Variants in CCSER1 observed in about 807,000 individuals in gnomAD.
CCSER1 encodes the protein serine-rich coiled-coil domain-containing protein 1.
Under a neutral mutation model 82.0 loss-of-function variants are expected in CCSER1, and 41 were observed. That is an observed-to-expected ratio of 0.50 (90% CI 0.39 to 0.65). The LOEUF is 0.65. CCSER1 is among the 30% of genes least tolerant of loss of function. The pLI is 0.00. For synonymous variants in CCSER1, 414 were observed against 383.9 expected, an observed-to-expected ratio of 1.08 and a Z score of -0.92; for missense variants, 1,119 against 1,064.2, an observed-to-expected ratio of 1.05 and a Z score of -0.72.
At chr4:90,887,836 C>T (rs563853741) in intron 8 of CCSER1, among the ~76,000 whole-genome samples, 8 of 152,082 alleles carry the variant, frequency 5.3e-5, no homozygotes, top group East Asian at 1.9e-4. Context: ...GAGCTGAGAT[C>T]GCGCCACTGC....
At chr4:91,055,953 T>G (rs1246193200) in intron 9 of CCSER1, among the ~76,000 whole-genome samples, 2 of 152,222 alleles carry the variant, frequency 1.3e-5, no homozygotes, top group East Asian at 3.9e-4. Context: ...GCATCCTTTC[T>G]TTTAGCTGCT....
At chr4:90,369,705 G>A (rs984954369) in intron 3 of CCSER1, among the ~76,000 whole-genome samples, 3 of 151,992 alleles carry the variant, frequency 2.0e-5, no homozygotes, top group South Asian at 2.1e-4. Flanking sequence ...ACAGATCTTA[G>A]ATAAAAATTG....
chr4:90,228,465 A>T (rs1210377129), intron 1 of CCSER1, among the ~76,000 whole-genome samples: 1 of 152,154 alleles, frequency 6.6e-6, no homozygotes, highest in Non-Finnish European at 1.5e-5. Context: ...CCAAAAACCC[A>T]TCTGTATATC....
At chr4:90,524,057 GA>G (rs1392548834) in intron 5 of CCSER1, among the ~76,000 whole-genome samples, 2 of 151,496 alleles carry the variant, frequency 1.3e-5, no homozygotes, top group Non-Finnish European at 2.9e-5. Flanking sequence ...ATAACCAAGT[GA>G]AAAAAAACAT....
intron 8 of CCSER1, among the ~76,000 whole-genome samples, chr4:90,874,437 T>TA (rs5860208): frequency 1.7e-4 from 25 of 150,512 alleles, no homozygotes; most frequent in South Asian, 4.2e-4. Context: ...TTTTTTCCCA[T>TA]AAAAAAAAAA....
intron 4 of CCSER1, among the ~76,000 whole-genome samples, chr4:90,430,048 C>CAAA (rs1465269493): frequency 6.6e-6 from 1 of 151,736 alleles, no homozygotes; most frequent in Non-Finnish European, 1.5e-5. Context: ...TAAGTCCGCT[C>CAAA]AAAAATCTAA....
At position 91,143,202 on chromosome 4, in the gene CCSER1, G is replaced by T. The variant is rs150724699; in HGVS notation, c.2217+57208G>T. On this transcript the variant is annotated intron_variant, in intron 10 of 10. Coordinates refer to ENST00000509176, the MANE Select transcript of CCSER1 (RefSeq NM_001145065.2). ...CCTTGTAGAGATCTTTCACCTCCTT[G>T]GTTAGATGTGTTTCTAGGTATTTTT... is the stretch of plus-strand genomic sequence containing the variant. 1.3e-4 allele frequency among the ~76,000 whole-genome samples: 20 copies of T among 149,994 alleles called. 1 individual carries two copies. The East Asian group carries it at 3.9e-3, about 29-fold the overall frequency.
chr4:90,783,132 G>A (rs558157181), intron 7 of CCSER1, among the ~76,000 whole-genome samples: 1 of 152,242 alleles, frequency 6.6e-6, no homozygotes, highest in South Asian at 2.1e-4. Context: ...AGTAGAGATG[G>A]GGTTTCACCA....
chr4:90,573,235 C>A (rs1329638624), intron 5 of CCSER1, among the ~76,000 whole-genome samples: 1 of 152,238 alleles, frequency 6.6e-6, no homozygotes, highest in Non-Finnish European at 1.5e-5. Context: ...GCAGCTGCAT[C>A]CAGTGCAATG....
At chr4:91,376,903 C>CCCCCCTT (rs1295254824) in intron 10 of CCSER1, among the ~76,000 whole-genome samples, 1 of 14,112 alleles carries the variant, frequency 7.1e-5, no homozygotes, top group South Asian at 3.1e-3. Flanking sequence ...ACTATCCCTC[C>CCCCCCTT]CCCCACCCAG....
At chr4:90,547,642 A>C (rs537622744) in intron 5 of CCSER1, among the ~76,000 whole-genome samples, 7 of 152,176 alleles carry the variant, frequency 4.6e-5, no homozygotes, top group Non-Finnish European at 8.8e-5. Flanking sequence ...TCGAGAAAGC[A>C]TTCAGAAAAT....
At chr4:91,284,847 T>A (rs1309885748) in intron 10 of CCSER1, among the ~76,000 whole-genome samples, 1 of 152,084 alleles carries the variant, frequency 6.6e-6, no homozygotes, top group African/African-American at 2.4e-5. Context: ...AAAAAACATA[T>A]GAGTTGATGA....
intron 7 of CCSER1, among the ~76,000 whole-genome samples, chr4:90,812,702 G>A (rs1326866102): frequency 1.3e-5 from 2 of 152,162 alleles, no homozygotes; most frequent in East Asian, 1.9e-4. Flanking sequence ...TCACAATTCT[G>A]TGTGGCTGGA....
chr4:90,957,779 C>T (rs1018726625), intron 9 of CCSER1, among the ~76,000 whole-genome samples: 8 of 148,772 alleles, frequency 5.4e-5, no homozygotes, highest in Non-Finnish European at 1.5e-5. Context: ...TGAAATTTCC[C>T]CTGATGGAGA....
Position 90,308,835 on chromosome 4 carries a change from C to A in CCSER1, c.551C>A (p.Ser184Tyr), listed in dbSNP as rs752808705. 1.2e-6 allele frequency: 2 copies of A among 1,613,758 alleles called. No homozygotes were observed. Among genetic ancestry groups the A allele is most frequent in the South Asian group, 1.1e-5 (1 of 91,076 alleles). ...TCAACAAGGAAGCTACTCCCTAAATCTTTTTCATCTCACTATAAATTTTCT... is the reference window on the plus strand; with the variant it reads ...TCAACAAGGAAGCTACTCCCTAAATATTTTTCATCTCACTATAAATTTTCT... ...KQSTRKLLPK[S>Y]FSSHYKFSKP... The change falls in exon 2 of 11, where the codon TCT becomes TAT. Residue 184 changes from serine (S) to tyrosine (Y), a missense_variant. Physicochemically the swap from Ser to Tyr is moderately radical, Grantham distance 144. Transcript: ENST00000509176.
intron 6 of CCSER1, among the ~76,000 whole-genome samples, chr4:90,659,814 T>A (rs7683669): frequency 0.51 from 77,342 of 151,402 alleles, 19,946 homozygotes; most frequent in Middle Eastern, 0.67. Context: ...AGTATTTGCT[T>A]GGGATTCTGA....
At chr4:91,530,415 T>G (rs996107973) in intron 10 of CCSER1, among the ~76,000 whole-genome samples, 8 of 152,120 alleles carry the variant, frequency 5.3e-5, no homozygotes, top group African/African-American at 1.9e-4. Context: ...TTAAAGTCAA[T>G]TCCCATCTGT....
chr4:91,019,153 G>A (rs1202872093), intron 9 of CCSER1, among the ~76,000 whole-genome samples: 2 of 151,462 alleles, frequency 1.3e-5, no homozygotes, highest in Non-Finnish European at 2.9e-5. Context: ...TTTTCTCGGT[G>A]TGCTGTTTCA....
In CCSER1 at chr4:90,309,065, T is replaced by C; in HGVS notation, c.781T>C (p.Leu261=). 6.2e-7 allele frequency: 1 copy of C among 1,613,946 alleles called. No homozygotes were observed. Among genetic ancestry groups the C allele is most frequent in the Non-Finnish European group, 8.5e-7 (1 of 1,179,860 alleles). Residue 261 remains leucine, a synonymous_variant, in exon 2 of 11, where the codon TTA becomes CTA. Transcript: ENST00000509176. ...LTTAQTPSEF[L]ALTEDSVSEM... is the part of the protein sequence containing the mutation. ...CACAGCTCAGACACCTTCAGAATTT[T>C]TAGCCTTGACTGAAGATTCTGTGTC...
Sources: allele counts gnomAD v4.1 joint callset (sites outside exome capture counted in the v4.1 genomes callset), GRCh38; gene constraint gnomAD v4.1.1; transcripts MANE v1.5; gene names NCBI Gene and HGNC (gene_info 2026-07-23, HGNC 2026-07-21).